The following CCDC110 variants were observed in gnomAD, a reference collection of about 807,000 sequenced individuals.
CCDC110 encodes the protein coiled-coil domain containing 110, also known as coiled-coil domain-containing protein 110.
CCDC110 carries 70 observed loss-of-function variants against 77.1 expected under a neutral mutation model. The ratio of observed to expected loss-of-function variants is 0.91; its 90% CI spans 0.75 to 1.11. The LOEUF (loss-of-function observed/expected upper bound fraction) is 1.11, where lower values mean the gene tolerates loss of function less well. Among genes scored for constraint, CCDC110 ranks in the 50% least tolerant of loss-of-function variants. The pLI is 0.00. For synonymous variants in CCDC110, 295 were observed against 312.5 expected, an observed-to-expected ratio of 0.94 and a Z score of 0.59; for missense variants, 868 against 942.9, an observed-to-expected ratio of 0.92 and a Z score of 1.04.
Position 185,470,997 on chromosome 4 carries a change from G to T in CCDC110, c.63C>A (p.Ser21=). The T allele has an allele frequency of 1.9e-6, 3 of 1,608,424 alleles. No individual in the cohort carries two copies. The highest frequency in any genetic ancestry group is 2.5e-6 in the Non-Finnish European group (3 of 1,178,962). Residue 21 remains serine, a synonymous_variant, in exon 2 of 7, where the codon TCC becomes TCA. Transcript: ENST00000307588. ...CCCCCTCCGAAGAATTTAGGATCTT[G>T]GACGCTGAAAGGAGAACGGAGTCAA... ...DEVDSVLLSA[S]KILNSSEGVK...
chr4:185,460,896 C>CT (rs748192916), intron 5 of CCDC110, 153 bp downstream of exon 5: 20 of 584,502 alleles, frequency 3.4e-5, no homozygotes, highest in South Asian at 3.1e-4. Context: ...AAATACACAT[C>CT]TTTTAAGGTT....
At chr4:185,464,171 A>G (rs2095651455) in intron 2 of CCDC110, among the ~76,000 whole-genome samples, 1 of 152,192 alleles carries the variant, frequency 6.6e-6, no homozygotes, top group Non-Finnish European at 1.5e-5. Flanking sequence ...CCCTAGGCTG[A>G]TAATTTCTGC....
At chr4:185,461,905 C>G (rs2095647096) in intron 4 of CCDC110, among the ~76,000 whole-genome samples, 1 of 152,168 alleles carries the variant, frequency 6.6e-6, no homozygotes, top group South Asian at 2.1e-4. Flanking sequence ...TAAGACCAGC[C>G]TGGCTAATGT....
chr4:185,458,053 C>G (rs964008157), intron 6 of CCDC110, 73 bp downstream of exon 6: 3 of 1,021,140 alleles, frequency 2.9e-6, no homozygotes, highest in Middle Eastern at 2.2e-4. Flanking sequence ...CTCCTTATTT[C>G]TGTACTCTGT....
chr4:185,456,284 A>C (rs1418072418), intron 6 of CCDC110, among the ~76,000 whole-genome samples: 2 of 152,228 alleles, frequency 1.3e-5, no homozygotes, highest in East Asian at 3.8e-4. Flanking sequence ...AGTGAAAAAG[A>C]AAGTATTTTG....
At chr4:185,469,697 C>G (rs113894608) in intron 2 of CCDC110, among the ~76,000 whole-genome samples, 5 of 152,342 alleles carry the variant, frequency 3.3e-5, no homozygotes, top group African/African-American at 1.2e-4. Context: ...CAGTGCCTGT[C>G]CTGCTGGCCT....
intron 6 of CCDC110, among the ~76,000 whole-genome samples, chr4:185,451,808 T>C: frequency 1.3e-5 from 2 of 152,334 alleles, no homozygotes; most frequent in Middle Eastern, 3.4e-3. Context: ...TTTTAATCTG[T>C]CTTTATAGTT....
At chr4:185,461,826 G>A (rs553360704) in intron 4 of CCDC110, among the ~76,000 whole-genome samples, 18 of 152,220 alleles carry the variant, frequency 1.2e-4, no homozygotes, top group African/African-American at 3.4e-4. Flanking sequence ...AGCCGGGTGC[G>A]GTGGCTCACG....
intron 6 of CCDC110, 177 bp downstream of exon 6, chr4:185,457,949 A>G (rs1412065500): frequency 1.6e-6 from 1 of 620,562 alleles, no homozygotes; most frequent in East Asian, 3.2e-5. Context: ...AAAATAATAT[A>G]TATTTTATCT....
chr4:185,464,170 G>A (rs1335399169), intron 2 of CCDC110, among the ~76,000 whole-genome samples: 1 of 152,172 alleles, frequency 6.6e-6, no homozygotes, highest in African/African-American at 2.4e-5. Context: ...CCCCTAGGCT[G>A]ATAATTTCTG....
intron 2 of CCDC110, among the ~76,000 whole-genome samples, chr4:185,463,958 A>G (rs1282794169): frequency 6.6e-6 from 1 of 152,194 alleles, no homozygotes; most frequent in African/African-American, 2.4e-5. Flanking sequence ...TCTTTTGATA[A>G]TAGGCAGAAT....
At chr4:185,449,745 C>T in intron 6 of CCDC110, 1 of 744,654 alleles carries the variant, frequency 1.3e-6, no homozygotes, top group Non-Finnish European at 2.1e-6. Flanking sequence ...GCAGATAGCT[C>T]AAGCAGTTAA....
At chr4:185,467,302 TTC>T (rs1246701514) in intron 2 of CCDC110, among the ~76,000 whole-genome samples, 2 of 152,210 alleles carry the variant, frequency 1.3e-5, no homozygotes, top group East Asian at 1.9e-4. Context: ...TAACATAACT[TTC>T]TGTTTTTCTT....
In CCDC110 at chr4:185,451,031, A is replaced by G. The variant is rs531004957; in HGVS notation, c.2462-5489T>C. On this transcript the variant is annotated intron_variant, in intron 6 of 6. Transcript: ENST00000307588. ...CTGGTAGGAGTTAATTCAATCATGG[A>G]GGCAGCTTCCCCCATACTGTTCTCG... Among the ~76,000 whole-genome samples the G allele has an allele frequency of 4.5e-3, 684 of 152,202 alleles. 5 individuals are homozygous for G. Among genetic ancestry groups the G allele is most frequent in the Middle Eastern group, 0.027 (8 of 294 alleles).
intron 6 of CCDC110, among the ~76,000 whole-genome samples, chr4:185,447,847 G>A (rs912157770): frequency 6.6e-6 from 1 of 152,138 alleles, no homozygotes; most frequent in Non-Finnish European, 1.5e-5. Flanking sequence ...GCTAAACTAT[G>A]CAATTAATAC....
chr4:185,458,336 TTA>T lies in CCDC110; in HGVS notation c.2249_2250del (p.Val750GlufsTer6), dbSNP rs1257742092. ...GTATCCCTTTCATTTTCTATGCTTC[TTA>T]CGTAATTTTCTAAAAGTATTTTGTC... is the stretch of plus-strand genomic sequence containing the variant. ...TEDKILLENY[V>X]RSIENERDTL... On this transcript the variant is annotated frameshift_variant, in exon 6 of 7. Coordinates refer to ENST00000307588, the MANE Select transcript of CCDC110 (RefSeq NM_152775.4). LOFTEE classifies it high-confidence loss of function. 1 of 1,587,324 alleles carries T rather than the reference TTA, an allele frequency of 6.3e-7. No homozygotes were observed. The highest frequency in any genetic ancestry group is 8.5e-7 in the Non-Finnish European group (1 of 1,172,472).
At chr4:185,467,638 G>A (rs967681776) in intron 2 of CCDC110, among the ~76,000 whole-genome samples, 1 of 152,266 alleles carries the variant, frequency 6.6e-6, no homozygotes, top group Non-Finnish European at 1.5e-5. Flanking sequence ...GAAAAACAAG[G>A]TAGTTATCAA....
At chr4:185,464,659 C>T (rs1054394334) in intron 2 of CCDC110, among the ~76,000 whole-genome samples, 3 of 152,076 alleles carry the variant, frequency 2.0e-5, no homozygotes, top group Non-Finnish European at 4.4e-5. Flanking sequence ...TCCTGCCACC[C>T]ACAACGAACT....
intron 6 of CCDC110, among the ~76,000 whole-genome samples, chr4:185,452,779 C>T (rs1167536895): frequency 1.3e-5 from 2 of 151,604 alleles, no homozygotes; most frequent in Non-Finnish European, 2.9e-5. Context: ...ACTGTAATCG[C>T]AGCTACTGGG....
Sources: gnomAD v4.1 joint callset for allele counts (sites outside exome capture counted in the v4.1 genomes callset) on GRCh38, gnomAD v4.1.1 for gene constraint, MANE v1.5 for transcripts, NCBI Gene and HGNC (gene_info 2026-07-23, HGNC 2026-07-21) for gene names.